Variants in FBXL20 observed in about 807,000 individuals in gnomAD.
FBXL20 encodes the protein F-box/LRR-repeat protein 20.
Under a neutral mutation model 64.0 loss-of-function variants are expected in FBXL20, and 11 were observed. That is an observed-to-expected ratio of 0.17 (90% CI 0.11 to 0.28). The LOEUF (loss-of-function observed/expected upper bound fraction) is 0.28. FBXL20 is among the 10% of genes least tolerant of loss of function. The pLI is 1.00. For missense variants in FBXL20, 303 were observed against 526.2 expected, an observed-to-expected ratio of 0.58 and a Z score of 4.15; for synonymous variants, 184 against 189.0, an observed-to-expected ratio of 0.97 and a Z score of 0.22.
intron 1 of FBXL20, among the ~76,000 whole-genome samples, chr17:39,387,348 C>A (rs1304851936): frequency 6.8e-6 from 1 of 147,026 alleles, no homozygotes; most frequent in African/African-American, 2.5e-5. Context: ...GGCGCAATCT[C>A]GGCTTGCTGT....
intron 1 of FBXL20, among the ~76,000 whole-genome samples, chr17:39,350,793 A>G (rs2047680680): frequency 1.3e-5 from 2 of 152,118 alleles, no homozygotes; most frequent in South Asian, 4.1e-4. Context: ...ATCAGCATCA[A>G]CCCGGAACTT....
At chr17:39,285,978 T>C (rs1190321302) in intron 6 of FBXL20, among the ~76,000 whole-genome samples, 1 of 152,190 alleles carries the variant, frequency 6.6e-6, no homozygotes, top group Non-Finnish European at 1.5e-5. Context: ...TTCACTTAAA[T>C]CCCTACTCAA....
chr17:39,276,847 G>A lies in FBXL20; in HGVS notation c.697-1747C>T, dbSNP rs530120968. On this transcript the variant is annotated intron_variant, in intron 9 of 14. Transcript: ENST00000264658. ...CATGCCTACAGTCCCAGCTACTCAG[G>A]AGGCTGAAGTGGAATGATCGCTTTA... 5.9e-5 allele frequency among the ~76,000 whole-genome samples: 9 copies of A among 152,288 alleles called. No individual in the cohort carries two copies. The South Asian group carries it at 1.9e-3, about 32-fold the overall frequency.
chr17:39,337,966 G>T (rs1214139228), intron 2 of FBXL20, among the ~76,000 whole-genome samples: 2 of 150,788 alleles, frequency 1.3e-5, no homozygotes, highest in Admixed American at 1.3e-4. Context: ...GGTGAGGGGC[G>T]CCTCTGCCCG....
chr17:39,318,138 A>G (rs1355381834), intron 2 of FBXL20, among the ~76,000 whole-genome samples: 2 of 152,148 alleles, frequency 1.3e-5, no homozygotes, highest in African/African-American at 2.4e-5. Flanking sequence ...CAAAATGTTG[A>G]CAATTATTGA....
chr17:39,360,396 C>A (rs2047783303), intron 1 of FBXL20, among the ~76,000 whole-genome samples: 1 of 152,074 alleles, frequency 6.6e-6, no homozygotes, highest in African/African-American at 2.4e-5. Context: ...ACATCTTATG[C>A]ATATTTTATA....
intron 2 of FBXL20, among the ~76,000 whole-genome samples, chr17:39,330,585 A>C (rs1214084902): frequency 6.6e-6 from 1 of 152,206 alleles, no homozygotes; most frequent in Admixed American, 6.5e-5. Context: ...CTAACACTCC[A>C]GTCTGGGTGA....
intron 2 of FBXL20, among the ~76,000 whole-genome samples, chr17:39,340,455 C>G (rs2047571753): frequency 6.6e-6 from 1 of 152,152 alleles, no homozygotes; most frequent in South Asian, 2.1e-4. Flanking sequence ...GTCTCCAACT[C>G]CTGACCTCAA....
intron 1 of FBXL20, among the ~76,000 whole-genome samples, chr17:39,396,784 T>C (rs2048188372): frequency 6.6e-6 from 1 of 150,630 alleles, no homozygotes; most frequent in South Asian, 2.1e-4. Context: ...TGAAACCCCG[T>C]CTCTACTAAA....
intron 14 of FBXL20, among the ~76,000 whole-genome samples, chr17:39,262,082 G>T (rs749868404): frequency 2.8e-4 from 43 of 151,942 alleles, no homozygotes; most frequent in Admixed American, 2.8e-3. Context: ...AAGTAGGCAC[G>T]TAAGAGGCTC....
At chr17:39,394,342 G>A (rs1487436329) in intron 1 of FBXL20, among the ~76,000 whole-genome samples, 2 of 146,800 alleles carry the variant, frequency 1.4e-5, no homozygotes, top group Non-Finnish European at 1.5e-5. Flanking sequence ...GCTGTGGCTC[G>A]GCTCACTGCA....
chr17:39,309,824 A>G (rs2047216138), intron 2 of FBXL20, among the ~76,000 whole-genome samples: 1 of 151,576 alleles, frequency 6.6e-6, no homozygotes, highest in African/African-American at 2.4e-5. Flanking sequence ...AAATAAAGAA[A>G]AGAGAAAGAA....
At chr17:39,337,260 T>C (rs2047532146) in intron 2 of FBXL20, among the ~76,000 whole-genome samples, 1 of 152,176 alleles carries the variant, frequency 6.6e-6, no homozygotes, top group Non-Finnish European at 1.5e-5. Flanking sequence ...GGTGCCGGGA[T>C]TGCAGACGGA....
chr17:39,360,469 T>A (rs8076494), intron 1 of FBXL20, among the ~76,000 whole-genome samples: 1 of 152,022 alleles, frequency 6.6e-6, no homozygotes, highest in African/African-American at 2.4e-5. Flanking sequence ...ATATTTGATG[T>A]GGTTCTGTGA....
intron 1 of FBXL20, among the ~76,000 whole-genome samples, chr17:39,367,616 G>C (rs986009174): frequency 1.3e-5 from 2 of 151,728 alleles, no homozygotes; most frequent in African/African-American, 2.4e-5. Flanking sequence ...CATACCCAGT[G>C]AATCTTTAAT....
At chr17:39,277,906 C>T (rs1000062449) in intron 9 of FBXL20, among the ~76,000 whole-genome samples, 8 of 151,958 alleles carry the variant, frequency 5.3e-5, no homozygotes, top group African/African-American at 1.5e-4. Context: ...CATTTTATCA[C>T]GCTGTAGGGA....
intron 2 of FBXL20, among the ~76,000 whole-genome samples, chr17:39,323,653 T>A (rs1035446843): frequency 6.6e-6 from 1 of 152,316 alleles, no homozygotes; most frequent in Admixed American, 6.5e-5. Context: ...AAGGCCTTTT[T>A]CAGTTTTCAA....
intron 6 of FBXL20, among the ~76,000 whole-genome samples, chr17:39,295,958 T>C (rs1297703754): frequency 6.6e-6 from 1 of 152,038 alleles, no homozygotes. Context: ...TAATAGACAT[T>C]GGGGAGTTTC....
chr17:39,306,988 G>C (rs1184476925), intron 2 of FBXL20, among the ~76,000 whole-genome samples: 1 of 152,182 alleles, frequency 6.6e-6, no homozygotes, highest in African/African-American at 2.4e-5. Context: ...CAATTATAGT[G>C]AATAATGTCT....
Sources: gnomAD v4.1 joint callset for allele counts (sites outside exome capture counted in the v4.1 genomes callset) on GRCh38, gnomAD v4.1.1 for gene constraint, MANE v1.5 for transcripts, NCBI Gene and HGNC (gene_info 2026-07-23, HGNC 2026-07-21) for gene names.